Variants in SMAD9 observed in about 807,000 individuals in gnomAD.
SMAD9 encodes the protein MAD homolog 9.
In SMAD9, 36 loss-of-function variants were observed where a neutral mutation model predicts 46.1. That is an observed-to-expected ratio of 0.78 (90% CI 0.60 to 1.03). The LOEUF is 1.03. SMAD9 is among the 50% of genes least tolerant of loss of function. The pLI is 0.00. For synonymous variants in SMAD9, 245 were observed against 237.1 expected (o/e 1.03, Z -0.31); for missense variants, 572 against 599.8 (o/e 0.95, Z 0.48).
intron 1 of SMAD9, among the ~76,000 whole-genome samples, chr13:36,907,625 T>C (rs555677088): frequency 6.6e-6 from 1 of 152,268 alleles, no homozygotes; most frequent in East Asian, 1.9e-4. Flanking sequence ...CAATGAGCTA[T>C]GATTGCACCA....
chr13:36,903,695 AGTT>A (rs1171503060), intron 1 of SMAD9, among the ~76,000 whole-genome samples: 1 of 152,192 alleles, frequency 6.6e-6, no homozygotes, highest in Admixed American at 6.5e-5. Flanking sequence ...CTTCTAGATA[AGTT>A]AATTTTACAG....
Position 36,865,553 on chromosome 13 carries a change from C to G in SMAD9, c.987G>C (p.Arg329Ser), listed in dbSNP as rs756156138. 1 of 1,613,348 alleles carries G rather than the reference C, an allele frequency of 6.2e-7. No individual in the cohort carries two copies. Among genetic ancestry groups the G allele is most frequent in the Non-Finnish European group, 8.5e-7 (1 of 1,179,382 alleles). ...TGCTCTTACCCTTTCCTATATGTCT[C>G]CTGGTATTTTCTATCGTTGAGTTTC... ...VNRNSTIENTRRHIGKGVHLY... is the reference protein window; with the variant it reads ...VNRNSTIENTSRHIGKGVHLY... Residue 329 changes from arginine (R) to serine (S), a missense_variant, in exon 5 of 7, where the codon AGG becomes AGC. Arg to Ser is a moderately radical substitution (Grantham distance 110). Coordinates refer to ENST00000379826, the MANE Select transcript of SMAD9 (RefSeq NM_001127217.3).
chr13:36,914,205 C>T (rs996552276), intron 1 of SMAD9, among the ~76,000 whole-genome samples: 1 of 152,156 alleles, frequency 6.6e-6, no homozygotes, highest in African/African-American at 2.4e-5. Flanking sequence ...CTCAACAGTG[C>T]TACTGCCCAA....
chr13:36,901,003 T>C (rs1001886256), intron 1 of SMAD9, among the ~76,000 whole-genome samples: 7 of 152,208 alleles, frequency 4.6e-5, no homozygotes, highest in African/African-American at 1.4e-4. Flanking sequence ...CTATTCTGAA[T>C]TGTTCACATA....
intron 1 of SMAD9, among the ~76,000 whole-genome samples, chr13:36,881,452 G>C (rs775884715): frequency 6.6e-6 from 1 of 152,148 alleles, no homozygotes; most frequent in African/African-American, 2.4e-5. Context: ...AACTTCTTTC[G>C]AACAAAGGTG....
intron 1 of SMAD9, among the ~76,000 whole-genome samples, chr13:36,908,079 T>A (rs945428467): frequency 6.6e-6 from 1 of 152,240 alleles, no homozygotes. Context: ...AATGTAAACA[T>A]ATCCATTTTC....
At chr13:36,898,662 T>C (rs2058549084) in intron 1 of SMAD9, among the ~76,000 whole-genome samples, 1 of 152,214 alleles carries the variant, frequency 6.6e-6, no homozygotes, top group Admixed American at 6.5e-5. Context: ...AGAAATGCCA[T>C]ACTATCATGT....
At chr13:36,899,674 A>T (rs1189770287) in intron 1 of SMAD9, among the ~76,000 whole-genome samples, 1 of 152,212 alleles carries the variant, frequency 6.6e-6, no homozygotes, top group Non-Finnish European at 1.5e-5. Context: ...TTCAGTTGGT[A>T]GGTGGGTTCA....
intron 1 of SMAD9, among the ~76,000 whole-genome samples, chr13:36,897,057 C>G (rs1593610809): frequency 6.6e-6 from 1 of 152,022 alleles, no homozygotes; most frequent in East Asian, 1.9e-4. Flanking sequence ...ACTGCTAAAA[C>G]AAAAACAAAA....
chr13:36,851,980 A>C (rs1443718814), intron 6 of SMAD9: 1 of 983,908 alleles, frequency 1.0e-6, no homozygotes, highest in African/African-American at 1.8e-5. Flanking sequence ...AAAAAAAAAA[A>C]ACTGTATGAT....
intron 2 of SMAD9, among the ~76,000 whole-genome samples, chr13:36,874,618 A>C (rs537296847): frequency 6.6e-6 from 1 of 152,004 alleles, no homozygotes; most frequent in Non-Finnish European, 1.5e-5. Context: ...AGCACTTTGG[A>C]AGGCCAAGGC....
At chr13:36,862,054 G>A (rs1420185982) in intron 5 of SMAD9, among the ~76,000 whole-genome samples, 1 of 152,002 alleles carries the variant, frequency 6.6e-6, no homozygotes, top group Non-Finnish European at 1.5e-5. Context: ...AAACTGGAAG[G>A]CCCCGCAACA....
chr13:36,867,671 C>T (rs556328149), intron 3 of SMAD9, among the ~76,000 whole-genome samples: 4 of 152,272 alleles, frequency 2.6e-5, no homozygotes, highest in Non-Finnish European at 5.9e-5. Context: ...AATGCAGAAC[C>T]TGTTCTCCTA....
chr13:36,869,200 C>T (rs1052156984), intron 3 of SMAD9, among the ~76,000 whole-genome samples: 3 of 150,156 alleles, frequency 2.0e-5, no homozygotes, highest in Non-Finnish European at 4.4e-5. Context: ...GTGATGGTTG[C>T]ACAACATTAT....
intron 1 of SMAD9, among the ~76,000 whole-genome samples, chr13:36,886,819 G>A (rs2058449027): frequency 1.3e-5 from 2 of 152,182 alleles, no homozygotes; most frequent in African/African-American, 4.8e-5. Flanking sequence ...AGGGGCTGTA[G>A]AGTGAGACCT....
At chr13:36,900,907 T>C (rs911858497) in intron 1 of SMAD9, among the ~76,000 whole-genome samples, 1 of 151,746 alleles carries the variant, frequency 6.6e-6, no homozygotes, top group Non-Finnish European at 1.5e-5. Flanking sequence ...AATAGAACCC[T>C]ATACACATTC....
At chr13:36,895,555 G>C (rs1278115175) in intron 1 of SMAD9, among the ~76,000 whole-genome samples, 1 of 152,182 alleles carries the variant, frequency 6.6e-6, no homozygotes, top group African/African-American at 2.4e-5. Context: ...CCTCTGTAGA[G>C]AACCACTGAT....
intron 6 of SMAD9, among the ~76,000 whole-genome samples, chr13:36,852,996 T>A (rs2058087025): frequency 6.6e-6 from 1 of 152,108 alleles, no homozygotes; most frequent in East Asian, 1.9e-4. Context: ...TTCAAAAAAA[T>A]TGGTTTTGGG....
intron 1 of SMAD9, among the ~76,000 whole-genome samples, chr13:36,918,818 G>A (rs1348606730): frequency 6.6e-6 from 1 of 152,226 alleles, no homozygotes; most frequent in East Asian, 1.9e-4. Flanking sequence ...TGCTAAGGCA[G>A]GAGACATGCT....
Sources: allele counts gnomAD v4.1 joint callset (sites outside exome capture counted in the v4.1 genomes callset), GRCh38; gene constraint gnomAD v4.1.1; transcripts MANE v1.5; gene names NCBI Gene and HGNC (gene_info 2026-07-23, HGNC 2026-07-21).